Variants in SNW1 observed in about 807,000 individuals in gnomAD.
The protein encoded by SNW1 is SNW domain-containing protein 1.
SNW1 carries 9 observed loss-of-function variants against 75.6 expected under a neutral mutation model. The observed-to-expected ratio is 0.12, with a 90% confidence interval of 0.07 to 0.21. The LOEUF is 0.21. Ranked by LOEUF, SNW1 falls within the 10% of genes least tolerant of loss-of-function variation. The pLI is 1.00. For synonymous variants in SNW1, 200 were observed against 219.1 expected (o/e 0.91, Z 0.77); for missense variants, 409 against 670.9 (o/e 0.61, Z 4.31).
rs542291330 is a variant in SNW1 at position 77,746,908 on chromosome 14, C to T, written c.330+4411G>A. The stretch of plus-strand genomic sequence containing the variant: ...AATTATAGCTCCCCCTCCCCCTCCC[C>T]CCTTCTGTGCACGGTCTCCCTCTCC... On this transcript the variant is annotated intron_variant, in intron 3 of 13. Coordinates refer to ENST00000261531, the MANE Select transcript of SNW1 (RefSeq NM_012245.3). Among the ~76,000 whole-genome samples the T allele has an allele frequency of 2.8e-3, 429 of 151,964 alleles. 1 individual carries two copies. Among genetic ancestry groups the T allele is most frequent in the Non-Finnish European group, 5.0e-3 (343 of 67,966 alleles).
intron 10 of SNW1, among the ~76,000 whole-genome samples, chr14:77,729,015 G>T (rs1215816805): frequency 3.3e-5 from 5 of 152,098 alleles, no homozygotes. Context: ...CTATGGTTAG[G>T]TATACAACCA....
intron 12 of SNW1, among the ~76,000 whole-genome samples, chr14:77,719,898 C>T (rs1246866828): frequency 6.6e-6 from 1 of 152,236 alleles, no homozygotes; most frequent in African/African-American, 2.4e-5. Flanking sequence ...AAGTTTCCCA[C>T]TCTACTTTCC....
intron 2 of SNW1, among the ~76,000 whole-genome samples, chr14:77,753,368 C>A (rs1239751782): frequency 6.6e-6 from 1 of 152,216 alleles, no homozygotes; most frequent in Non-Finnish European, 1.5e-5. Flanking sequence ...AATGCCTCAA[C>A]AGAGACACTC....
In SNW1 at chr14:77,720,028, C is replaced by T. The variant is rs114670373; in HGVS notation, c.1248+683G>A. Among the ~76,000 whole-genome samples the T allele has an allele frequency of 7.4e-3, 1,121 of 152,290 alleles. 10 individuals are homozygous for T. Among genetic ancestry groups the T allele is most frequent in the African/African-American group, 0.026 (1,077 of 41,558 alleles). ...TACTAGAAATCAGATTTCCTGACAG[C>T]CAGCCTAGTACTTTAATCCCGTTTT... On this transcript the variant is annotated intron_variant, in intron 12 of 13. Transcript: ENST00000261531.
At chr14:77,721,443 TTTGA>T (rs1317464055) in intron 11 of SNW1, among the ~76,000 whole-genome samples, 1 of 152,214 alleles carries the variant, frequency 6.6e-6, no homozygotes, top group Non-Finnish European at 1.5e-5. Context: ...CTATAGGCTG[TTTGA>T]TTTTCATCCA....
intron 1 of SNW1, among the ~76,000 whole-genome samples, chr14:77,755,794 A>G (rs2080838626): frequency 6.7e-6 from 1 of 149,982 alleles, no homozygotes; most frequent in Non-Finnish European, 1.5e-5. Flanking sequence ...GCTAGAGTGC[A>G]GTGGCACCAT....
rs1163662706 is a variant in SNW1 at position 77,744,546 on chromosome 14, A to G, written c.331-5485T>C. ...GGAGACCTTATTTGGCCAAGATACT[A>G]AACTCCAAAAATAGATAGTTCAGTC... On this transcript the variant is annotated intron_variant, in intron 3 of 13. Coordinates refer to ENST00000261531, the MANE Select transcript of SNW1 (RefSeq NM_012245.3). 3.3e-5 allele frequency among the ~76,000 whole-genome samples: 5 copies of G among 152,098 alleles called. 1 individual carries two copies. The highest frequency in any genetic ancestry group is 7.4e-5 in the Non-Finnish European group (5 of 67,988).
chr14:77,757,793 G>C (rs1422167333), intron 1 of SNW1, among the ~76,000 whole-genome samples: 1 of 152,084 alleles, frequency 6.6e-6, no homozygotes, highest in African/African-American at 2.4e-5. Flanking sequence ...TGTTGTAGGA[G>C]AAATAAATAC....
intron 11 of SNW1, among the ~76,000 whole-genome samples, chr14:77,721,434 T>C (rs2080539951): frequency 6.6e-6 from 1 of 152,236 alleles, no homozygotes; most frequent in African/African-American, 2.4e-5. Flanking sequence ...AAATGATTTC[T>C]ATAGGCTGTT....
At chr14:77,749,983 T>C (rs1472212707) in intron 3 of SNW1, among the ~76,000 whole-genome samples, 2 of 152,078 alleles carry the variant, frequency 1.3e-5, no homozygotes, top group East Asian at 3.9e-4. Context: ...GGAGGATTGC[T>C]TGAGCCCAAA....
intron 3 of SNW1, among the ~76,000 whole-genome samples, chr14:77,741,612 C>A (rs191273842): frequency 9.2e-5 from 14 of 152,188 alleles, no homozygotes; most frequent in African/African-American, 3.4e-4. Flanking sequence ...CCATAAAGCT[C>A]ACTCTACTGA....
At position 77,749,398 on chromosome 14, in the gene SNW1, C is replaced by G. The variant is rs1398924473; in HGVS notation, c.330+1921G>C. Among the ~76,000 whole-genome samples the G allele has an allele frequency of 4.6e-5, 7 of 152,182 alleles. 1 individual carries two copies. In the East Asian group the frequency reaches 1.4e-3, roughly 29 times the overall value. On this transcript the variant is annotated intron_variant, in intron 3 of 13. Coordinates refer to ENST00000261531, the MANE Select transcript of SNW1 (RefSeq NM_012245.3). ...GGGCAAAAACAACTCCTGAAACAAG[C>G]CTGAAAAAAGTGAAGAAAATTAGGT... is the stretch of plus-strand genomic sequence containing the variant.
chr14:77,757,190 T>C (rs1157046012), intron 1 of SNW1, among the ~76,000 whole-genome samples: 1 of 151,194 alleles, frequency 6.6e-6, no homozygotes, highest in African/African-American at 2.4e-5. Context: ...AGACTATAAA[T>C]GGAGAAAGAC....
At chr14:77,744,446 C>CAAAAAAAAAAAAAAAAAAAAAAAGTAA (rs11335115) in intron 3 of SNW1, among the ~76,000 whole-genome samples, 1 of 82,964 alleles carries the variant, frequency 1.2e-5, no homozygotes, top group Non-Finnish European at 2.2e-5. Flanking sequence ...GTCTCCATCT[C>CAAAAAAAAAAAAAAAAAAAAAAAGTAA]AAAAAAAAAA....
intron 1 of SNW1, 96 bp from the exon 2 acceptor site, chr14:77,755,216 G>T: frequency 9.2e-7 from 1 of 1,089,710 alleles, no homozygotes; most frequent in Non-Finnish European, 1.3e-6. Context: ...TTCCTACGAT[G>T]CTTTTACTTT....
intron 8 of SNW1, among the ~76,000 whole-genome samples, chr14:77,733,308 A>G (rs918122735): frequency 3.9e-5 from 6 of 152,228 alleles, no homozygotes; most frequent in Non-Finnish European, 7.3e-5. Flanking sequence ...AATCACTGTC[A>G]AACAGTTCAA....
intron 8 of SNW1, among the ~76,000 whole-genome samples, chr14:77,734,744 A>T (rs1013171927): frequency 6.6e-6 from 1 of 152,254 alleles, no homozygotes; most frequent in Non-Finnish European, 1.5e-5. Context: ...CTCAAAAAAA[A>T]AAAAGGAACT....
At chr14:77,727,194 C>T (rs901495821) in intron 10 of SNW1, among the ~76,000 whole-genome samples, 3 of 152,096 alleles carry the variant, frequency 2.0e-5, no homozygotes, top group Admixed American at 1.3e-4. Context: ...GCTGGGATTA[C>T]AGGTGAACGC....
Position 77,724,988 on chromosome 14 carries a change from C to T in SNW1, c.1034-1711G>A, listed in dbSNP as rs192971664. Among the ~76,000 whole-genome samples the T allele has an allele frequency of 3.3e-5, 5 of 152,280 alleles. 1 individual carries two copies. The South Asian group carries it at 8.3e-4, about 25-fold the overall frequency. On this transcript the variant is annotated intron_variant, in intron 10 of 13. Transcript: ENST00000261531. ...ACTAAAAATGTACTAGTGTTCCCCC[C>T]CTTCTGTATCCTCGCCAGCATCTAT...
Sources: allele counts gnomAD v4.1 joint callset (sites outside exome capture counted in the v4.1 genomes callset), GRCh38; gene constraint gnomAD v4.1.1; transcripts MANE v1.5; gene names NCBI Gene and HGNC (gene_info 2026-07-23, HGNC 2026-07-21).